Variants in METTL21A observed in about 807,000 individuals in gnomAD.
METTL21A encodes protein N-lysine methyltransferase METTL21A.
In METTL21A, 22 loss-of-function variants were observed where a neutral mutation model predicts 20.9. That is an observed-to-expected ratio of 1.05 (90% CI 0.75 to 1.50). The LOEUF (loss-of-function observed/expected upper bound fraction) is 1.50, where lower values mean the gene tolerates loss of function less well. Ranked by LOEUF, METTL21A falls within the 40% of genes most tolerant of loss-of-function variation. METTL21A has a pLI of 0.00. For synonymous variants in METTL21A, 93 were observed against 102.0 expected, an observed-to-expected ratio of 0.91 and a Z score of 0.53; for missense variants, 271 against 266.8, an observed-to-expected ratio of 1.02 and a Z score of -0.11.
downstream of METTL21A, among the ~76,000 whole-genome samples, chr2:207,606,488 A>G (rs1365784289): frequency 6.6e-6 from 1 of 152,214 alleles, no homozygotes; most frequent in African/African-American, 2.4e-5. Flanking sequence ...GTCTCAAAAA[A>G]AACTTCAAGT....
downstream of METTL21A, among the ~76,000 whole-genome samples, chr2:207,605,336 CTT>C (rs1164545175): frequency 6.6e-6 from 1 of 152,144 alleles, no homozygotes; most frequent in African/African-American, 2.4e-5. Flanking sequence ...CTTTTGTTGT[CTT>C]TGGCCATCTG....
At chr2:207,615,865 G>A (rs1384352720) in intron 3 of METTL21A, among the ~76,000 whole-genome samples, 2 of 151,866 alleles carry the variant, frequency 1.3e-5, no homozygotes, top group Non-Finnish European at 2.9e-5. Flanking sequence ...AGCCTAAGGA[G>A]AGGTGGACTG....
intron 3 of METTL21A, among the ~76,000 whole-genome samples, chr2:207,590,952 T>C (rs2084923796): frequency 6.6e-6 from 1 of 152,234 alleles, no homozygotes; most frequent in African/African-American, 2.4e-5. Context: ...AAAATTTTTT[T>C]ATTTCCTTTG....
intron 3 of METTL21A, among the ~76,000 whole-genome samples, chr2:207,603,692 T>TACG (rs1048682130): frequency 2.0e-5 from 3 of 152,180 alleles, no homozygotes; most frequent in African/African-American, 7.2e-5. Context: ...AATGGAGACA[T>TACG]ACGACCAGCT....
chr2:207,608,523 A>AT (rs1412505179), downstream of METTL21A, among the ~76,000 whole-genome samples: 1 of 152,114 alleles, frequency 6.6e-6, no homozygotes, highest in African/African-American at 2.4e-5. Flanking sequence ...AAACAACCCA[A>AT]TAACAGCTTA....
At chr2:207,608,656 G>C (rs1192219733), downstream of METTL21A, among the ~76,000 whole-genome samples, 1 of 152,198 alleles carries the variant, frequency 6.6e-6, no homozygotes, top group African/African-American at 2.4e-5. Flanking sequence ...ACTCTGCCGG[G>C]CGCGGTGGCT....
upstream of METTL21A, chr2:207,625,631 C>T (rs1342004355): frequency 6.6e-6 from 1 of 152,292 alleles, no homozygotes; most frequent in Non-Finnish European, 1.5e-5. Context: ...ACAGGGAGAG[C>T]ATGGGGTGCC....
At chr2:207,595,810 T>G (rs1011894047) in intron 3 of METTL21A, among the ~76,000 whole-genome samples, 1 of 151,762 alleles carries the variant, frequency 6.6e-6, no homozygotes, top group African/African-American at 2.4e-5. Context: ...TTCAAGAGAT[T>G]CTCCCACCTC....
chr2:207,622,059 G>A (rs2090551095), intron 2 of METTL21A, 142 bp from the exon 3 acceptor site: 4 of 703,708 alleles, frequency 5.7e-6, no homozygotes, highest in Admixed American at 2.1e-5. Context: ...CTTAGCTGGT[G>A]CAGCAAGGTA....
intron 3 of METTL21A, chr2:207,598,041 CCTT>C (rs2086456166): frequency 5.5e-6 from 1 of 181,232 alleles, no homozygotes; most frequent in Admixed American, 6.3e-5. Flanking sequence ...ACCAAGAAAG[CCTT>C]CAAGATGTCA....
intron 3 of METTL21A, chr2:207,596,833 A>T: frequency 6.6e-7 from 1 of 1,525,266 alleles, no homozygotes; most frequent in Non-Finnish European, 8.8e-7. Context: ...CTATTTCTTT[A>T]AAAAAGAAAA....
chr2:207,595,956 T>C (rs916749249), intron 3 of METTL21A, among the ~76,000 whole-genome samples: 7 of 152,210 alleles, frequency 4.6e-5, no homozygotes, highest in African/African-American at 1.7e-4. Context: ...TTATTGTCTT[T>C]CGATGTGCAG....
At chr2:207,622,068 T>C in intron 2 of METTL21A, 151 bp from the exon 3 acceptor site, 1 of 678,792 alleles carries the variant, frequency 1.5e-6, no homozygotes, top group South Asian at 1.7e-5. Context: ...TGCAGCAAGG[T>C]AACCTCCCCC....
chr2:207,600,178 T>C (rs1483336240), intron 3 of METTL21A: 1 of 176,414 alleles, frequency 5.7e-6, no homozygotes, highest in Non-Finnish European at 1.2e-5. Flanking sequence ...AATATTGTCA[T>C]AGGTGCTCTC....
intron 3 of METTL21A, among the ~76,000 whole-genome samples, chr2:207,587,803 GAT>G (rs1457579614): frequency 6.6e-6 from 1 of 152,226 alleles, no homozygotes; most frequent in East Asian, 1.9e-4. Flanking sequence ...GGGAAGGTGA[GAT>G]AGGGAGCATG....
intron 2 of METTL21A, among the ~76,000 whole-genome samples, chr2:207,622,211 C>G (rs564493596): frequency 3.6e-4 from 54 of 148,976 alleles, no homozygotes; most frequent in South Asian, 8.5e-4. Flanking sequence ...ATCTGTCACC[C>G]AGGCTGGAGT....
At chr2:207,589,266 T>C (rs1047198700) in intron 3 of METTL21A, among the ~76,000 whole-genome samples, 1 of 152,202 alleles carries the variant, frequency 6.6e-6, no homozygotes, top group African/African-American at 2.4e-5. Context: ...TGTGTTTCTT[T>C]GCCATTTCTA....
At chr2:207,610,866 T>C (rs1186237768), downstream of METTL21A, 1 of 24,716 alleles carries the variant, frequency 4.0e-5, no homozygotes, top group Admixed American at 4.2e-4. Flanking sequence ...CCGCCCCTAC[T>C]GGGAAGTGAG....
intron 1 of METTL21A, chr2:207,624,748 G>A (rs1232098369): frequency 1.3e-5 from 2 of 153,686 alleles, no homozygotes; most frequent in African/African-American, 4.8e-5. Flanking sequence ...GAGCAGCGCG[G>A]AAAGCAGCGC....
Sources: allele counts gnomAD v4.1 joint callset (sites outside exome capture counted in the v4.1 genomes callset), GRCh38; gene constraint gnomAD v4.1.1; transcripts MANE v1.5; gene names NCBI Gene and HGNC (gene_info 2026-07-23, HGNC 2026-07-21).